The following ERCC6 variants were observed in gnomAD, a reference collection of about 807,000 sequenced individuals.
The protein encoded by ERCC6 is ERCC excision repair 6, chromatin remodeling factor, also known as DNA excision repair protein ERCC-6.
In ERCC6, 116 loss-of-function variants were observed where a neutral mutation model predicts 158.7. The ratio of observed to expected loss-of-function variants is 0.73; its 90% CI spans 0.63 to 0.85. ERCC6 has a LOEUF of 0.85. ERCC6 is among the 40% of genes least tolerant of loss of function. ERCC6 has a pLI of 0.00. For missense variants in ERCC6, 1,698 were observed against 1,799.4 expected, an observed-to-expected ratio of 0.94 and a Z score of 1.02; for synonymous variants, 678 against 659.3, an observed-to-expected ratio of 1.03 and a Z score of -0.43.
At position 49,473,893 on chromosome 10, in the gene ERCC6, A is replaced by G. The variant is rs1850827794; in HGVS notation, c.2598+134T>C. 1.3e-5 allele frequency: 11 copies of G among 869,298 alleles called. No individual in the cohort carries two copies. The South Asian group carries it at 1.6e-4, about 13-fold the overall frequency. 53.8% of individuals were successfully genotyped at this position (869,298 alleles called of 1,614,324 possible). On this transcript the variant is annotated intron_variant, in intron 13 of 20. Transcript: ENST00000355832. Reference sequence around the variant, plus strand: ...AGAGAAAGATCTAAACTCCCAAAGAAATCGGTAGACTGCCACCTCAGCATC... The same window carrying G: ...AGAGAAAGATCTAAACTCCCAAAGAGATCGGTAGACTGCCACCTCAGCATC...
intron 8 of ERCC6, among the ~76,000 whole-genome samples, chr10:49,485,047 T>C (rs1439396155): frequency 6.6e-6 from 1 of 152,198 alleles, no homozygotes; most frequent in African/African-American, 2.4e-5. Flanking sequence ...CTAACTACAG[T>C]GCACTGCACC....
At chr10:49,530,583 A>G in intron 3 of ERCC6, 137 bp downstream of exon 3, 1 of 1,414,290 alleles carries the variant, frequency 7.1e-7, no homozygotes, top group East Asian at 2.5e-5. Context: ...CATACAAAAG[A>G]AACCCAAAAT....
intron 12 of ERCC6, chr10:49,475,387 T>C: frequency 2.2e-6 from 1 of 446,382 alleles, no homozygotes. Context: ...AAGTGTAGTT[T>C]GCATTCCCTT....
At position 49,455,028 on chromosome 10, in the gene ERCC6, T is replaced by C. The variant is rs1474334702; in HGVS notation, c.*3787A>G. 6.6e-6 allele frequency among the ~76,000 whole-genome samples: 1 copy of C among 152,074 alleles called. No individual in the cohort carries two copies. The highest frequency in any genetic ancestry group is 1.5e-5 in the Non-Finnish European group (1 of 68,012). The stretch of plus-strand genomic sequence containing the variant: ...TTCATGACCCTAGCTAGGGAATGGT[T>C]CTTAAATAAACAAAAAAAAATGGAA... On this transcript the variant is annotated 3_prime_UTR_variant, in exon 21 of 21. Coordinates refer to ENST00000355832, the MANE Select transcript of ERCC6 (RefSeq NM_000124.4).
At chr10:49,477,457 T>C (rs1850898385) in intron 11 of ERCC6, among the ~76,000 whole-genome samples, 1 of 152,108 alleles carries the variant, frequency 6.6e-6, no homozygotes, top group Admixed American at 6.5e-5. Flanking sequence ...CTCCACTTCC[T>C]CACCTCCAGT....
chr10:49,528,021 G>T (rs1345104170), intron 4 of ERCC6, among the ~76,000 whole-genome samples: 7 of 152,226 alleles, frequency 4.6e-5, no homozygotes, highest in African/African-American at 1.7e-4. Flanking sequence ...TGCTTGGAAA[G>T]CCTGCCAAAT....
intron 18 of ERCC6, among the ~76,000 whole-genome samples, chr10:49,462,866 T>C (rs1325545588): frequency 2.0e-5 from 3 of 152,236 alleles, no homozygotes; most frequent in East Asian, 1.9e-4. Flanking sequence ...ACAATTCAAA[T>C]TGATCTAAAC....
chr10:49,473,355 T>C (rs1850815482), intron 14 of ERCC6, 122 bp downstream of exon 14: 2 of 812,886 alleles, frequency 2.5e-6, no homozygotes, highest in Non-Finnish European at 4.4e-6. Flanking sequence ...AGTCTCCCCT[T>C]AGGCCCCCTC....
intron 5 of ERCC6, chr10:49,515,252 T>A (rs1836911443): frequency 6.9e-7 from 1 of 1,455,150 alleles, no homozygotes; most frequent in Non-Finnish European, 9.0e-7. Context: ...GTTCCAAAAT[T>A]GGAACACTAG....
chr10:49,466,630 A>C (rs1850679995), intron 18 of ERCC6, among the ~76,000 whole-genome samples: 1 of 152,226 alleles, frequency 6.6e-6, no homozygotes, highest in African/African-American at 2.4e-5. Flanking sequence ...TCCCACCGTC[A>C]AATACCCCAT....
chr10:49,461,123 C>T lies in ERCC6; in HGVS notation c.3983+229G>A, dbSNP rs3810945. ...TAACAACACCATCTCTCAAATAAAA[C>T]CAATCACTTCTCCTGAAGCCACTTT... On this transcript the variant is annotated intron_variant, in intron 19 of 20. Transcript: ENST00000355832. Among the ~76,000 whole-genome samples the T allele has an allele frequency of 0.1, 15,179 of 152,152 alleles. 1,118 individuals are homozygous for T. The highest frequency in any genetic ancestry group is 0.39 in the East Asian group (1,992 of 5,168).
intron 1 of ERCC6, among the ~76,000 whole-genome samples, chr10:49,537,052 A>G (rs1837613963): frequency 6.6e-6 from 1 of 152,186 alleles, no homozygotes. Context: ...GAAGTGAAAT[A>G]AATCATACAT....
chr10:49,524,488 T>C lies in ERCC6; in HGVS notation c.942A>G (p.Pro314=), dbSNP rs1837261383. The C allele has an allele frequency of 6.2e-7, 1 of 1,614,234 alleles. No individual in the cohort carries two copies. The change falls in exon 5 of 21, where the codon CCA becomes CCG. Residue 314 remains proline (P), a synonymous_variant. Coordinates refer to ENST00000355832, the MANE Select transcript of ERCC6 (RefSeq NM_000124.4). ...TGGACAGAACTCTGGCTTTCTTGTT[T>C]GGTTTGTTTTTATTTTGCACTGGGG... ...PPAPVQNKNK[P]NKKARVLSKK...
the ERCC6 span, among the ~76,000 whole-genome samples, chr10:49,443,423 C>A: frequency 2.6e-5 from 4 of 152,144 alleles, no homozygotes; most frequent in Non-Finnish European, 5.9e-5. Context: ...CAATGGTGGT[C>A]CCAAAAGACT....
intron 8 of ERCC6, among the ~76,000 whole-genome samples, chr10:49,487,482 C>T (rs912875251): frequency 1.3e-5 from 2 of 152,160 alleles, no homozygotes; most frequent in Non-Finnish European, 2.9e-5. Flanking sequence ...AACACACGTA[C>T]GGGTTCCCTC....
intron 10 of ERCC6, among the ~76,000 whole-genome samples, chr10:49,481,485 T>C (rs4253171): frequency 0.01 from 1,596 of 152,324 alleles, 25 homozygotes; most frequent in African/African-American, 0.037. Context: ...AAAATTCTTT[T>C]TCTAATTAAA....
chr10:49,488,227 C>T (rs746655921), intron 8 of ERCC6: 1 of 211,062 alleles, frequency 4.7e-6, no homozygotes, highest in African/African-American at 2.3e-5. Flanking sequence ...GCTCAAGAGA[C>T]CAATCCCTCC....
At chr10:49,448,991 T>C in the ERCC6 span, among the ~76,000 whole-genome samples, 1 of 152,252 alleles carries the variant, frequency 6.6e-6, no homozygotes, top group African/African-American at 2.4e-5. Flanking sequence ...CTTGGTTATA[T>C]ACCTAGGAGA....
intron 10 of ERCC6, among the ~76,000 whole-genome samples, chr10:49,479,311 T>C (rs1160365201): frequency 6.6e-6 from 1 of 152,146 alleles, no homozygotes; most frequent in Non-Finnish European, 1.5e-5. Context: ...AAAAAAGAGC[T>C]TGACCACACA....
Sources: allele counts gnomAD v4.1 joint callset (sites outside exome capture counted in the v4.1 genomes callset), GRCh38; gene constraint gnomAD v4.1.1; transcripts MANE v1.5; gene names NCBI Gene and HGNC (gene_info 2026-07-23, HGNC 2026-07-21).